Variants in EML4 observed in about 807,000 individuals in gnomAD.
The protein encoded by EML4 is EMAP like 4, also known as echinoderm microtubule-associated protein-like 4.
EML4 carries 72 observed loss-of-function variants against 129.0 expected under a neutral mutation model. The observed-to-expected ratio is 0.56, with a 90% CI of 0.46 to 0.68. The LOEUF (loss-of-function observed/expected upper bound fraction) is 0.68. EML4 is among the 30% of genes least tolerant of loss of function. EML4 has a pLI of 0.00. For synonymous variants in EML4, 532 were observed against 405.0 expected, an observed-to-expected ratio of 1.31 and a Z score of -3.77; for missense variants, 1,363 against 1,190.6, an observed-to-expected ratio of 1.14 and a Z score of -2.13.
chr2:42,327,027 C>T (rs1044538569), intron 21 of EML4, among the ~76,000 whole-genome samples: 34 of 152,130 alleles, frequency 2.2e-4, no homozygotes, highest in African/African-American at 6.3e-4. Flanking sequence ...CTCTACCCCA[C>T]CCCCCAGCAA....
At chr2:42,279,599 A>T (rs529611546) in intron 6 of EML4, among the ~76,000 whole-genome samples, 63 of 152,018 alleles carry the variant, frequency 4.1e-4, no homozygotes, top group Non-Finnish European at 8.2e-4. Context: ...CTGGGACTAC[A>T]GGTGCCCGCC....
intron 1 of EML4, among the ~76,000 whole-genome samples, chr2:42,212,467 C>G (rs1023919803): frequency 2.6e-5 from 4 of 151,614 alleles, no homozygotes; most frequent in Non-Finnish European, 4.4e-5. Flanking sequence ...AAAGCAAACT[C>G]GGCAGTAGAT....
intron 1 of EML4, among the ~76,000 whole-genome samples, chr2:42,214,645 G>C (rs1454552378): frequency 6.6e-6 from 1 of 152,160 alleles, no homozygotes; most frequent in Non-Finnish European, 1.5e-5. Context: ...GGCTTGGCTA[G>C]GCAATTCTTC....
chr2:42,329,468 A>G (rs1433750741), intron 22 of EML4, among the ~76,000 whole-genome samples: 1 of 152,228 alleles, frequency 6.6e-6, no homozygotes, highest in African/African-American at 2.4e-5. Flanking sequence ...AACATCTAGA[A>G]GAGACAGACT....
At chr2:42,319,444 G>A (rs1055748100) in intron 19 of EML4, 1 of 152,236 alleles carries the variant, frequency 6.6e-6, no homozygotes, top group African/African-American at 2.4e-5. Context: ...CATAGGAACT[G>A]TTAAAAGTTT....
intron 13 of EML4, among the ~76,000 whole-genome samples, chr2:42,300,766 A>T (rs1668237755): frequency 6.6e-6 from 1 of 152,176 alleles, no homozygotes; most frequent in African/African-American, 2.4e-5. Flanking sequence ...TTGCAAAGTT[A>T]AAGGAACATC....
Position 42,326,135 on chromosome 2 carries a change from C to G in EML4, c.2243-19C>G. On this transcript the variant is annotated intron_variant, in intron 20 of 22. Transcript: ENST00000318522. ...GTACACAAGCACTATGATTATACTT[C>G]CTGTTTCTAAATTTAAAGGGGACAT... is the stretch of plus-strand genomic sequence containing the variant. 1 of 1,610,976 alleles carries G rather than the reference C, an allele frequency of 6.2e-7. No homozygotes were observed. Among genetic ancestry groups the G allele is most frequent in the South Asian group, 1.1e-5 (1 of 90,244 alleles).
At chr2:42,280,773 T>A in intron 6 of EML4, 77 bp from the exon 7 acceptor site, 1 of 1,104,798 alleles carries the variant, frequency 9.1e-7, no homozygotes, top group Non-Finnish European at 1.3e-6. Context: ...GTTTTTATTG[T>A]ATCACGTTAA....
intron 19 of EML4, among the ~76,000 whole-genome samples, chr2:42,322,908 T>C (rs376861538): frequency 1.1e-4 from 16 of 152,228 alleles, no homozygotes; most frequent in African/African-American, 3.9e-4. Context: ...TTTCTAAATA[T>C]GAGTTAATAA....
At chr2:42,281,722 GAATT>G (rs958104582) in intron 7 of EML4, among the ~76,000 whole-genome samples, 1 of 152,172 alleles carries the variant, frequency 6.6e-6, no homozygotes, top group African/African-American at 2.4e-5. Context: ...TTCTAATTCA[GAATT>G]AACTTTTCAG....
At chr2:42,253,701 T>C (rs1432540643) in intron 2 of EML4, among the ~76,000 whole-genome samples, 1 of 152,142 alleles carries the variant, frequency 6.6e-6, no homozygotes, top group African/African-American at 2.4e-5. Flanking sequence ...ATTCGAGTTA[T>C]TAAAGTCATA....
At chr2:42,328,211 A>G (rs965671566) in intron 21 of EML4, among the ~76,000 whole-genome samples, 2 of 152,248 alleles carry the variant, frequency 1.3e-5, no homozygotes, top group African/African-American at 4.8e-5. Flanking sequence ...TTCAACCACA[A>G]GTGGCCAACA....
At chr2:42,173,272 G>T (rs1358244647) in intron 1 of EML4, among the ~76,000 whole-genome samples, 1 of 151,936 alleles carries the variant, frequency 6.6e-6, no homozygotes, top group Admixed American at 6.6e-5. Context: ...TTATTTACAT[G>T]AAAATGTTTT....
intron 1 of EML4, among the ~76,000 whole-genome samples, chr2:42,202,355 A>G (rs2888819): frequency 0.041 from 6,221 of 152,198 alleles, 462 homozygotes; most frequent in African/African-American, 0.14. Context: ...AGCCTGGTGT[A>G]TTAGTCAGTG....
At chr2:42,173,085 G>C (rs185453512) in intron 1 of EML4, among the ~76,000 whole-genome samples, 144 of 152,252 alleles carry the variant, frequency 9.5e-4, no homozygotes, top group Non-Finnish European at 1.7e-3. Flanking sequence ...AACATTCTGG[G>C]TACAGGTTGT....
chr2:42,246,125 A>G (rs1275047889), intron 2 of EML4, among the ~76,000 whole-genome samples: 1 of 152,238 alleles, frequency 6.6e-6, no homozygotes, highest in Non-Finnish European at 1.5e-5. Context: ...TGTTAGCAGA[A>G]TCCTGAAAAA....
At chr2:42,254,082 ATTC>A (rs529145381) in intron 2 of EML4, among the ~76,000 whole-genome samples, 5 of 152,240 alleles carry the variant, frequency 3.3e-5, no homozygotes, top group Non-Finnish European at 7.3e-5. Flanking sequence ...AAGGAAGCCC[ATTC>A]TTAAAGTGGG....
At chr2:42,232,850 T>C (rs1032725918) in intron 1 of EML4, among the ~76,000 whole-genome samples, 1 of 151,602 alleles carries the variant, frequency 6.6e-6, no homozygotes, top group Non-Finnish European at 1.5e-5. Flanking sequence ...TCAGCCTCCC[T>C]AGTAGCTGGG....
intron 17 of EML4, 86 bp downstream of exon 17, chr2:42,304,637 T>A (rs1668490362): frequency 2.0e-6 from 2 of 999,780 alleles, no homozygotes; most frequent in Non-Finnish European, 3.2e-6. Flanking sequence ...ATCTGGAGAA[T>A]TAATCTCTTA....
Sources: gnomAD v4.1 joint callset for allele counts (sites outside exome capture counted in the v4.1 genomes callset) on GRCh38, gnomAD v4.1.1 for gene constraint, MANE v1.5 for transcripts, NCBI Gene and HGNC (gene_info 2026-07-23, HGNC 2026-07-21) for gene names.